NUP98: variants seen among roughly 807,000 people sequenced by gnomAD.
NUP98 encodes the protein nuclear pore complex protein Nup98-Nup96.
A neutral mutation model predicts 191.9 loss-of-function variants in NUP98; 26 were observed. The observed-to-expected ratio is 0.14, with a 90% CI of 0.10 to 0.19. NUP98 has a LOEUF of 0.19. NUP98 is among the 10% of genes least tolerant of loss of function. The pLI, the probability that NUP98 is intolerant of heterozygous loss-of-function variation, is 1.00. For synonymous variants in NUP98, 808 were observed against 778.4 expected, an observed-to-expected ratio of 1.04 and a Z score of -0.63; for missense variants, 1,941 against 2,178.8, an observed-to-expected ratio of 0.89 and a Z score of 2.17.
At chr11:3,723,546 G>A (rs2079490130) in intron 15 of NUP98, 91 bp from the exon 16 acceptor site, 1 of 1,052,170 alleles carries the variant, frequency 9.5e-7, no homozygotes, top group Admixed American at 2.1e-5. Flanking sequence ...CTAAGTGCCT[G>A]GCACTGTTCT....
chr11:3,721,856 T>C (rs2079415195), intron 16 of NUP98, among the ~76,000 whole-genome samples: 1 of 152,182 alleles, frequency 6.6e-6, no homozygotes, highest in Admixed American at 6.6e-5. Flanking sequence ...TTGTCCTACT[T>C]GTAGTCAGAT....
At chr11:3,690,361 G>A (rs901578868) in intron 28 of NUP98, among the ~76,000 whole-genome samples, 10 of 151,728 alleles carry the variant, frequency 6.6e-5, no homozygotes, top group African/African-American at 2.2e-4. Context: ...CCGGGTTCAC[G>A]CCATTCCCCT....
intron 18 of NUP98, among the ~76,000 whole-genome samples, chr11:3,714,535 T>C (rs1363853245): frequency 3.3e-5 from 5 of 152,160 alleles, no homozygotes; most frequent in South Asian, 2.1e-4. Context: ...CAGTGACTAC[T>C]AGGATGTAAT....
chr11:3,779,186 C>T lies in NUP98; in HGVS notation c.148G>A (p.Gly50Ser). Residue 50 changes from glycine (G) to serine (S), a missense_variant, in exon 3 of 33, where the codon GGC becomes AGC. Around this residue, in one of 6 missense-constraint regions of NUP98, gnomAD observed 154 missense variants for 182.9 expected, o/e 0.84. Transcript: ENST00000324932. ...SAFGSSNNTG[G>S]LFGNSQTKPG... Reference sequence around the variant, plus strand: ...TTAGTCTGTGAATTTCCAAAGAGGCCTCCAGTATTGTTGCTAGAACCAAAT... The same window carrying T: ...TTAGTCTGTGAATTTCCAAAGAGGCTTCCAGTATTGTTGCTAGAACCAAAT... The T allele has an allele frequency of 6.2e-7, 1 of 1,614,160 alleles. No individual in the cohort carries two copies. The highest frequency in any genetic ancestry group is 8.5e-7 in the Non-Finnish European group (1 of 1,180,026).
At chr11:3,679,493 T>C (rs2077922532) in intron 31 of NUP98, 61 bp downstream of exon 31, 8 of 1,578,124 alleles carry the variant, frequency 5.1e-6, no homozygotes, top group Non-Finnish European at 7.0e-6. Flanking sequence ...TTGTGAGGTA[T>C]CTGAAGATTT....
intron 12 of NUP98, among the ~76,000 whole-genome samples, chr11:3,736,997 CATAA>C (rs1213837660): frequency 6.6e-6 from 1 of 152,030 alleles, no homozygotes; most frequent in Non-Finnish European, 1.5e-5. Context: ...AGGGAACAGA[CATAA>C]GTAACAATGA....
intron 11 of NUP98, among the ~76,000 whole-genome samples, chr11:3,746,266 T>G (rs1228010819): frequency 5.1e-5 from 1 of 19,740 alleles, no homozygotes; most frequent in Non-Finnish European, 8.2e-5. Context: ...CAAAACTTTA[T>G]CTCAAAAAAA....
At chr11:3,782,249 GTA>G in intron 1 of NUP98, 104 bp from the exon 2 acceptor site, 2 of 567,310 alleles carry the variant, frequency 3.5e-6, no homozygotes, top group Non-Finnish European at 6.2e-6. Context: ...TCGAACTATA[GTA>G]TATACTCTCA....
intron 29 of NUP98, among the ~76,000 whole-genome samples, chr11:3,685,687 G>C (rs1192135505): frequency 6.6e-6 from 1 of 152,108 alleles, no homozygotes; most frequent in Admixed American, 6.6e-5. Flanking sequence ...GAATTTCTCT[G>C]ATCAATGCAG....
chr11:3,788,367 C>T (rs2082213242), intron 1 of NUP98, among the ~76,000 whole-genome samples: 2 of 152,128 alleles, frequency 1.3e-5, no homozygotes, highest in Admixed American at 1.3e-4. Flanking sequence ...CTTTGGGAGG[C>T]CAAGGCTGGT....
intron 29 of NUP98, among the ~76,000 whole-genome samples, chr11:3,684,084 C>T (rs903819558): frequency 2.0e-5 from 3 of 151,802 alleles, no homozygotes; most frequent in Admixed American, 6.6e-5. Flanking sequence ...TGGTGGCAGG[C>T]GTCTGTAATC....
At chr11:3,721,068 A>C (rs2079382294) in intron 16 of NUP98, 2 of 260,692 alleles carry the variant, frequency 7.7e-6, no homozygotes, top group Non-Finnish European at 1.4e-5. Flanking sequence ...AAGAGTCTAA[A>C]ACTTACAGTA....
At chr11:3,679,784 G>T in intron 30 of NUP98, 76 bp from the exon 31 acceptor site, 1 of 1,405,016 alleles carries the variant, frequency 7.1e-7, no homozygotes. Flanking sequence ...ATGGCAGGAA[G>T]ACAGAAAGGA....
intron 27 of NUP98, 23 bp from the exon 28 acceptor site, chr11:3,691,512 C>T: frequency 6.2e-7 from 1 of 1,611,926 alleles, no homozygotes; most frequent in Non-Finnish European, 8.5e-7. Context: ...TTTGATAAAA[C>T]AATACATTAG....
chr11:3,760,333 A>T, intron 10 of NUP98: 1 of 627,966 alleles, frequency 1.6e-6, no homozygotes, highest in Admixed American at 3.1e-5. Flanking sequence ...ATCTCAAGCC[A>T]TATCCAGGAC....
chr11:3,713,194 G>A (rs1318994506), intron 19 of NUP98, among the ~76,000 whole-genome samples: 1 of 152,172 alleles, frequency 6.6e-6, no homozygotes, highest in Non-Finnish European at 1.5e-5. Flanking sequence ...CATAGGAAGA[G>A]TTGATCCAAT....
At chr11:3,691,840 G>C (rs2078321030) in intron 27 of NUP98, among the ~76,000 whole-genome samples, 1 of 152,012 alleles carries the variant, frequency 6.6e-6, no homozygotes, top group African/African-American at 2.4e-5. Context: ...AGGTGTGAAT[G>C]ACCGCACCCG....
At chr11:3,762,785 G>T in intron 9 of NUP98, 117 bp downstream of exon 9, 3 of 993,734 alleles carry the variant, frequency 3.0e-6, no homozygotes, top group South Asian at 1.8e-5. Context: ...ATCATATTAG[G>T]CTGGTGCAAT....
intron 26 of NUP98, among the ~76,000 whole-genome samples, chr11:3,694,065 T>C (rs1423220966): frequency 1.5e-5 from 2 of 135,842 alleles, no homozygotes; most frequent in Non-Finnish European, 3.1e-5. Flanking sequence ...ACCCCGTTTC[T>C]ATTAAAAATA....
Sources: allele counts gnomAD v4.1 joint callset (sites outside exome capture counted in the v4.1 genomes callset), GRCh38; gene constraint gnomAD v4.1.1; regional missense constraint gnomAD v4.1.1; transcripts MANE v1.5; gene names NCBI Gene and HGNC (gene_info 2026-07-23, HGNC 2026-07-21).